Variants in PI4K2B observed in about 807,000 individuals in gnomAD.
PI4K2B encodes phosphatidylinositol 4-kinase type 2 beta, also known as phosphatidylinositol 4-kinase type 2-beta.
In PI4K2B, 46 loss-of-function variants were observed where a neutral mutation model predicts 56.6. That is an observed-to-expected ratio of 0.81 (90% CI 0.64 to 1.04). PI4K2B has a LOEUF of 1.04. Ranked by LOEUF, PI4K2B falls within the 50% of genes least tolerant of loss-of-function variation. PI4K2B has a pLI of 0.00. For missense variants in PI4K2B, 556 were observed against 607.7 expected (o/e 0.91, Z 0.89); for synonymous variants, 211 against 223.8 (o/e 0.94, Z 0.51).
chr4:25,254,326 G>A (rs2109098288), intron 2 of PI4K2B: 1 of 650,786 alleles, frequency 1.5e-6, no homozygotes, highest in Non-Finnish European at 1.9e-6. Flanking sequence ...CAGCAAACAT[G>A]TAATGTGGAT....
At chr4:25,246,089 G>A (rs1198852323) in intron 1 of PI4K2B, among the ~76,000 whole-genome samples, 2 of 152,128 alleles carry the variant, frequency 1.3e-5, no homozygotes, top group Non-Finnish European at 2.9e-5. Flanking sequence ...CTGGCTTCAG[G>A]AGTGAAGCTG....
At position 25,278,761 on chromosome 4, in the gene PI4K2B, G is replaced by A. The variant is rs914833465; in HGVS notation, c.*1574G>A. ...TTTTCTAAGAGAAAGGAAATACGTT[G>A]CAGTGATGTGGGTACTGCTTTCATA... On this transcript the variant is annotated 3_prime_UTR_variant, in exon 10 of 10. Coordinates refer to ENST00000264864, the MANE Select transcript of PI4K2B (RefSeq NM_018323.4). 6.6e-5 allele frequency: 10 copies of A among 152,598 alleles called. No homozygotes were observed. The highest frequency in any genetic ancestry group is 1.9e-4 in the African/African-American group (8 of 41,446). The allele number at this position is 152,598 out of a possible 1,614,324, so 9.5% of individuals were successfully genotyped here. A position where few individuals can be genotyped will look rare whatever the true frequency, so the allele number is the denominator to read the frequency against.
chr4:25,247,582 C>T (rs1715843509), intron 1 of PI4K2B, among the ~76,000 whole-genome samples: 5 of 152,210 alleles, frequency 3.3e-5, no homozygotes, highest in Admixed American at 3.3e-4. Context: ...GGCATGGAGC[C>T]ATGCCCTAGA....
rs188962974 is a variant in PI4K2B, at chr4:25,246,310, G to A, written c.269-6011G>A. On this transcript the variant is annotated intron_variant, in intron 1 of 9. Transcript: ENST00000264864. Reference sequence around the variant, plus strand: ...TGCTGATTGGTCCATTTTACAGAGCGCCGATTGGTCTGTTTTACAGAGAGC... The same window carrying A: ...TGCTGATTGGTCCATTTTACAGAGCACCGATTGGTCTGTTTTACAGAGAGC... Among the ~76,000 whole-genome samples the A allele has an allele frequency of 3.1e-3, 476 of 152,176 alleles. 1 individual carries two copies. Among genetic ancestry groups the A allele is most frequent in the African/African-American group, 0.01 (434 of 41,514 alleles).
At chr4:25,243,864 G>T (rs1423071237) in intron 1 of PI4K2B, among the ~76,000 whole-genome samples, 1 of 152,150 alleles carries the variant, frequency 6.6e-6, no homozygotes, top group Non-Finnish European at 1.5e-5. Flanking sequence ...TCTGGTCAAG[G>T]TCCCAGTGGG....
chr4:25,248,535 T>A (rs1251428135), intron 1 of PI4K2B, among the ~76,000 whole-genome samples: 1 of 151,622 alleles, frequency 6.6e-6, no homozygotes, highest in East Asian at 1.9e-4. Context: ...CATAATGATG[T>A]GGACTTATTG....
intron 9 of PI4K2B, among the ~76,000 whole-genome samples, chr4:25,270,334 G>C (rs554752372): frequency 6.6e-6 from 1 of 150,956 alleles, no homozygotes; most frequent in Non-Finnish European, 1.5e-5. Flanking sequence ...TGTTTTTTTG[G>C]TTTTTTTTCT....
Position 25,259,290 on chromosome 4 carries a change from T to C in PI4K2B, c.910+100T>C, listed in dbSNP as rs1382411930. 9.0e-6 allele frequency: 7 copies of C among 777,296 alleles called. No individual in the cohort carries two copies. In the South Asian group the frequency reaches 1.1e-4, roughly 12 times the overall value. 48.1% of individuals were successfully genotyped at this position (777,296 alleles called of 1,614,324 possible). A position where few individuals can be genotyped will look rare whatever the true frequency, so the allele number is the denominator to read the frequency against. On this transcript the variant is annotated intron_variant, in intron 5 of 9. Transcript: ENST00000264864. ...CGGTAAACTTTTGTTGCAGAAGTCT[T>C]GAAGCCACTTTCTCTGTCTGTCTTG...
chr4:25,270,377 G>A (rs931473064), intron 9 of PI4K2B, among the ~76,000 whole-genome samples: 5 of 150,150 alleles, frequency 3.3e-5, no homozygotes, highest in Non-Finnish European at 7.4e-5. Flanking sequence ...ACAGACTCTT[G>A]CCCTGTCGCC....
In PI4K2B at chr4:25,277,335, T is replaced by C. The variant is rs1717144343; in HGVS notation, c.*148T>C. 2.2e-6 allele frequency: 2 copies of C among 914,584 alleles called. No homozygotes were observed. Among genetic ancestry groups the C allele is most frequent in the Admixed American group, 3.4e-5 (1 of 29,250 alleles). 56.7% of individuals were successfully genotyped at this position (914,584 alleles called of 1,614,324 possible). The stretch of plus-strand genomic sequence containing the variant: ...TGTATTTTGAATGTAACCAAAAGTT[T>C]ACAGTTTTTTGTCCAAATATTAAAT... On this transcript the variant is annotated 3_prime_UTR_variant, in exon 10 of 10. Coordinates refer to ENST00000264864, the MANE Select transcript of PI4K2B (RefSeq NM_018323.4).
chr4:25,273,391 T>C (rs529448214), intron 9 of PI4K2B, among the ~76,000 whole-genome samples: 2 of 152,342 alleles, frequency 1.3e-5, no homozygotes, highest in South Asian at 4.1e-4. Flanking sequence ...CAGAGATTTA[T>C]ATACCAGAAA....
chr4:25,236,756 T>G (rs1344172536), intron 1 of PI4K2B, among the ~76,000 whole-genome samples: 2 of 152,160 alleles, frequency 1.3e-5, no homozygotes, highest in African/African-American at 4.8e-5. Context: ...CTGCCCCTTT[T>G]CCGTTTTGCC....
At chr4:25,260,307 A>G (rs1033285799) in intron 5 of PI4K2B, among the ~76,000 whole-genome samples, 2 of 151,870 alleles carry the variant, frequency 1.3e-5, no homozygotes, top group Non-Finnish European at 2.9e-5. Context: ...AGCACTTAAA[A>G]CAATGTCGGC....
chr4:25,243,511 G>GCCCGTTCCTTTTGGT (rs1715625702), intron 1 of PI4K2B, among the ~76,000 whole-genome samples: 1 of 152,120 alleles, frequency 6.6e-6, no homozygotes, highest in Non-Finnish European at 1.5e-5. Flanking sequence ...TTCCTTTTGG[G>GCCCGTTCCTTTTGGT]CCCGTTCCTT....
rs370107191 is a variant in PI4K2B at position 25,246,337 on chromosome 4, G to A, written c.269-5984G>A. Among the ~76,000 whole-genome samples the A allele has an allele frequency of 1.2e-3, 179 of 152,250 alleles. 2 individuals carry two copies. In the South Asian group the frequency reaches 0.022, roughly 18 times the overall value. ...CGATTGGTCTGTTTTACAGAGAGCT[G>A]ATTGGTCCGTTTTGACAGGGTGCTG... On this transcript the variant is annotated intron_variant, in intron 1 of 9. Coordinates refer to ENST00000264864, the MANE Select transcript of PI4K2B (RefSeq NM_018323.4).
At chr4:25,274,088 G>C (rs1471815462) in intron 9 of PI4K2B, among the ~76,000 whole-genome samples, 2 of 152,130 alleles carry the variant, frequency 1.3e-5, no homozygotes, top group Admixed American at 1.3e-4. Context: ...ATATGCTGGT[G>C]TCACATTTTA....
intron 2 of PI4K2B, chr4:25,254,315 ACAG>A: frequency 1.1e-5 from 6 of 544,280 alleles, no homozygotes; most frequent in Non-Finnish European, 1.4e-5. Context: ...GGGAAAGTAA[ACAG>A]CAAACATGTA....
At position 25,234,292 on chromosome 4, in the gene PI4K2B, A is replaced by G; in HGVS notation, c.129A>G (p.Pro43=). The G allele has an allele frequency of 7.1e-7, 1 of 1,417,692 alleles. No homozygotes were observed. The highest frequency in any genetic ancestry group is 9.2e-7 in the Non-Finnish European group (1 of 1,081,736). The allele number at this position is 1,417,692 out of a possible 1,614,324, so 87.8% of individuals were successfully genotyped here. The change falls in exon 1 of 10, where the codon CCA becomes CCG. Residue 43 remains proline, a synonymous_variant. Transcript: ENST00000264864. ...GGGCCCACCCGCGGAGAGGCGCCCC[A>G]GGCAGCGCCGTGAGGCTGCTGGACG... ...IAWAHPRRGA[P]GSAVRLLDAA... is the part of the protein sequence containing the mutation.
Position 25,249,465 on chromosome 4 carries a change from G to A in PI4K2B, c.269-2856G>A, listed in dbSNP as rs1392474787. Among the ~76,000 whole-genome samples the A allele has an allele frequency of 2.7e-4, 40 of 147,220 alleles. 1 individual carries two copies. Among genetic ancestry groups the A allele is most frequent in the Non-Finnish European group, 4.9e-4 (33 of 67,490 alleles). On this transcript the variant is annotated intron_variant, in intron 1 of 9. Transcript: ENST00000264864. ...CTGCCCCCCGCCTCCCGGATGGGGC[G>A]GCTGGCCGGGCGGGGGCTGCCCCCC...
Sources: gnomAD v4.1 joint callset for allele counts (sites outside exome capture counted in the v4.1 genomes callset) on GRCh38, gnomAD v4.1.1 for gene constraint, MANE v1.5 for transcripts, NCBI Gene and HGNC (gene_info 2026-07-23, HGNC 2026-07-21) for gene names.